SAMD4B: variants seen among roughly 807,000 people sequenced by gnomAD.
SAMD4B encodes the protein protein Smaug homolog 2.
SAMD4B carries 5 observed loss-of-function variants against 74.5 expected under a neutral mutation model. The observed-to-expected ratio is 0.07, with a 90% CI of 0.04 to 0.14. SAMD4B has a LOEUF of 0.14. Ranked by LOEUF, SAMD4B falls within the 10% of genes least tolerant of loss-of-function variation. The pLI is 1.00. For synonymous variants in SAMD4B, 373 were observed against 374.9 expected, an observed-to-expected ratio of 1.00 and a Z score of 0.06; for missense variants, 608 against 921.8, an observed-to-expected ratio of 0.66 and a Z score of 4.41.
intron 1 of SAMD4B, among the ~76,000 whole-genome samples, chr19:39,349,230 T>C (rs777190102): frequency 1.3e-5 from 2 of 152,158 alleles, no homozygotes; most frequent in Non-Finnish European, 2.9e-5. Flanking sequence ...CTCAAAAAAA[T>C]GTCTCAGTTG....
At chr19:39,371,976 T>A (rs2077333175) in intron 4 of SAMD4B, among the ~76,000 whole-genome samples, 1 of 152,014 alleles carries the variant, frequency 6.6e-6, no homozygotes, top group Admixed American at 6.6e-5. Context: ...AAAAAGTACC[T>A]CTCCTGGAGA....
At position 39,383,187 on chromosome 19, in the gene SAMD4B, A is replaced by C; in HGVS notation, c.1973-21A>C. On this transcript the variant is annotated intron_variant, in intron 12 of 13. Transcript: ENST00000610417. The surrounding 1 kb of genome is among the most constrained non-coding windows in gnomAD (Gnocchi z 4.1). ...AGTCCAGTTGGTCCTTACCACCCCC[A>C]TTCTCCTCTCTCCCACCCAGACTGC... is the stretch of plus-strand genomic sequence containing the variant. 6.2e-7 allele frequency: 1 copy of C among 1,609,354 alleles called. No individual in the cohort carries two copies. Among genetic ancestry groups the C allele is most frequent in the Non-Finnish European group, 8.5e-7 (1 of 1,176,358 alleles).
At chr19:39,365,223 G>T (rs2076888271) in intron 3 of SAMD4B, among the ~76,000 whole-genome samples, 1 of 141,968 alleles carries the variant, frequency 7.0e-6, no homozygotes, top group Non-Finnish European at 1.5e-5. Context: ...TCCAGCCTGG[G>T]TGACAGAGCG....
chr19:39,382,363 A>T (rs1031799618), intron 12 of SAMD4B, among the ~76,000 whole-genome samples: 1 of 152,020 alleles, frequency 6.6e-6, no homozygotes. Flanking sequence ...ACTCCTCCCA[A>T]CTGTATGTGT....
chr19:39,365,243 A>T lies in SAMD4B; in HGVS notation c.197-4412A>T, dbSNP rs1447260717. On this transcript the variant is annotated intron_variant, in intron 3 of 13. Coordinates refer to ENST00000610417, the MANE Select transcript of SAMD4B (RefSeq NM_001384574.2). ...CCTGGGTGACAGAGCGAGACTCCGT[A>T]AAAAAAAAAAAAAAAAAAAGTTCCT... is the stretch of plus-strand genomic sequence containing the variant. 5.7e-4 allele frequency among the ~76,000 whole-genome samples: 58 copies of T among 101,524 alleles called. 1 individual carries two copies. The highest frequency in any genetic ancestry group is 2.7e-3 in the African/African-American group (41 of 15,156). The allele number at this position is 101,524 out of a possible 152,430, so 66.6% of individuals were successfully genotyped here.
intron 10 of SAMD4B, 93 bp downstream of exon 10, chr19:39,380,177 A>G (rs1244430220): frequency 2.1e-6 from 2 of 947,916 alleles, no homozygotes; most frequent in Non-Finnish European, 3.2e-6. Context: ...TTCTGGGCTG[A>G]GAATCTAGTT....
rs970545040 is a variant in SAMD4B at position 39,369,518 on chromosome 19, A to G, written c.197-137A>G. On this transcript the variant is annotated intron_variant, in intron 3 of 13. Coordinates refer to ENST00000610417, the MANE Select transcript of SAMD4B (RefSeq NM_001384574.2). ...GTTTGATCTCACCTATATGAGGGAT[A>G]AGTTTGGGAGTTATGAAAAGAAAAT... is the stretch of plus-strand genomic sequence containing the variant. 5 of 681,970 alleles carry G rather than the reference A, an allele frequency of 7.3e-6. No individual in the cohort carries two copies. The Admixed American group carries it at 8.6e-5, about 12-fold the overall frequency. 42.2% of individuals were successfully genotyped at this position (681,970 alleles called of 1,614,324 possible). A position where few individuals can be genotyped will look rare whatever the true frequency, so the allele number is the denominator to read the frequency against.
At chr19:39,355,523 G>A (rs908251688) in intron 2 of SAMD4B, among the ~76,000 whole-genome samples, 1 of 152,096 alleles carries the variant, frequency 6.6e-6, no homozygotes, top group South Asian at 2.1e-4. Context: ...TTCTCAGTCC[G>A]GGGAACCTTA....
rs758114436 is a variant in SAMD4B, at chr19:39,380,993, C to T, written c.1852C>T (p.Leu618=). 4 of 1,607,000 alleles carry T rather than the reference C, an allele frequency of 2.5e-6. No individual in the cohort carries two copies. The highest frequency in any genetic ancestry group is 3.4e-6 in the Non-Finnish European group (4 of 1,177,032). The change falls in exon 12 of 14, where the codon CTG becomes TTG. Residue 618 remains leucine (L), a synonymous_variant. Coordinates refer to ENST00000610417, the MANE Select transcript of SAMD4B (RefSeq NM_001384574.2). ...TCTCTTCCTGGGACCTGTGTAGAAC[C>T]TGTGGTTTGCCAACCCTGGAGGCAG... is the stretch of plus-strand genomic sequence containing the variant. The part of the protein sequence containing the change: ...PSLGGQGRQN[L]WFANPGGSNS...
chr19:39,389,956 T>C, downstream of SAMD4B: 1 of 1,050,194 alleles, frequency 9.5e-7, no homozygotes, highest in Non-Finnish European at 1.5e-6. This position sits in a 1 kb window ranked among gnomAD's most constrained non-coding sequence, Gnocchi z 5.3. Flanking sequence ...GCTACTACTA[T>C]GTGCTAGGGT....
intron 4 of SAMD4B, among the ~76,000 whole-genome samples, chr19:39,371,286 G>A (rs2077278310): frequency 6.6e-6 from 1 of 152,150 alleles, no homozygotes; most frequent in African/African-American, 2.4e-5. Flanking sequence ...CCCGCTGTCT[G>A]GTACCTGGTG....
Position 39,375,992 on chromosome 19 carries a change from AG to A in SAMD4B, c.907+107del. 2.1e-6 allele frequency: 3 copies of A among 1,461,896 alleles called. No individual in the cohort carries two copies. Among genetic ancestry groups the A allele is most frequent in the South Asian group, 1.3e-5 (1 of 77,428 alleles). 90.6% of individuals were successfully genotyped at this position (1,461,896 alleles called of 1,614,324 possible). A position where few individuals can be genotyped will look rare whatever the true frequency, so the allele number is the denominator to read the frequency against. ...CTGACACCTGCTTACCCCTCTGAGG[AG>A]GGGACATGTCTGAGGGGAGTAGATA... On this transcript the variant is annotated intron_variant, in intron 5 of 13. Coordinates refer to ENST00000610417, the MANE Select transcript of SAMD4B (RefSeq NM_001384574.2). The surrounding 1 kb of genome is among the most constrained non-coding windows in gnomAD (Gnocchi z 4.1).
At chr19:39,363,214 C>T (rs575633617) in intron 3 of SAMD4B, among the ~76,000 whole-genome samples, 35 of 152,132 alleles carry the variant, frequency 2.3e-4, no homozygotes, top group Non-Finnish European at 4.4e-5. Context: ...GCCACTATAG[C>T]CAGGGAGGAC....
intron 7 of SAMD4B, 85 bp downstream of exon 7, chr19:39,376,876 C>T (rs898725835): frequency 9.4e-6 from 11 of 1,172,208 alleles, no homozygotes; most frequent in African/African-American, 9.2e-5. Context: ...GGCCTCCAGA[C>T]TCCTCGGATG....
chr19:39,366,241 C>A (rs1185952924), intron 3 of SAMD4B, among the ~76,000 whole-genome samples: 4 of 152,130 alleles, frequency 2.6e-5, no homozygotes, highest in Non-Finnish European at 4.4e-5. Context: ...GCTTGAACCC[C>A]AGAGGCAGAG....
chr19:39,388,456 T>A, downstream of SAMD4B: 1 of 1,614,186 alleles, frequency 6.2e-7, no homozygotes, highest in East Asian at 2.2e-5. Context: ...CCGAGCAATT[T>A]TGTAGTCATA....
Position 39,384,145 on chromosome 19 carries a change from C to A in SAMD4B, c.*618C>A, listed in dbSNP as rs1055732701. 9 of 202,342 alleles carry A rather than the reference C, an allele frequency of 4.4e-5. No homozygotes were observed. Among genetic ancestry groups the A allele is most frequent in the Admixed American group, 1.6e-4 (3 of 18,634 alleles). The allele number at this position is 202,342 out of a possible 1,614,324, so 12.5% of individuals were successfully genotyped here. ...ACCAGAGGTTCTCTATGATTAATTTCTTAGGCCTATTTAAGATACATATTT... is the reference window on the plus strand; with the variant it reads ...ACCAGAGGTTCTCTATGATTAATTTATTAGGCCTATTTAAGATACATATTT... On this transcript the variant is annotated 3_prime_UTR_variant, in exon 14 of 14. Coordinates refer to ENST00000610417, the MANE Select transcript of SAMD4B (RefSeq NM_001384574.2).
chr19:39,389,431 G>A, downstream of SAMD4B: 3 of 1,611,998 alleles, frequency 1.9e-6, no homozygotes, highest in Non-Finnish European at 2.5e-6. This position sits in a 1 kb window ranked among gnomAD's most constrained non-coding sequence, Gnocchi z 5.3. Flanking sequence ...CCTCCTGCTT[G>A]TAGGGCCCAC....
At chr19:39,370,939 A>G (rs1215618294) in intron 4 of SAMD4B, among the ~76,000 whole-genome samples, 2 of 152,210 alleles carry the variant, frequency 1.3e-5, no homozygotes, top group African/African-American at 4.8e-5. Context: ...AACAGACCCA[A>G]CCAGTCTGAT....
Sources: allele counts gnomAD v4.1 joint callset (sites outside exome capture counted in the v4.1 genomes callset), GRCh38; gene constraint gnomAD v4.1.1; non-coding constraint Gnocchi (gnomAD v3.1); transcripts MANE v1.5; gene names NCBI Gene and HGNC (gene_info 2026-07-23, HGNC 2026-07-21).